Variants in CLUAP1 observed in about 807,000 individuals in gnomAD.
CLUAP1 encodes the protein intraflagellar transport 38.
CLUAP1 carries 50 observed loss-of-function variants against 55.0 expected under a neutral mutation model. The observed-to-expected ratio is 0.91, with a 90% CI of 0.72 to 1.15. The LOEUF is 1.15. CLUAP1 is among the 50% of genes most tolerant of loss of function. The probability of loss-of-function intolerance (pLI) is 0.00; values close to 1 mark genes in which losing one functional copy is unlikely to be tolerated. For missense variants in CLUAP1, 530 were observed against 507.6 expected, an observed-to-expected ratio of 1.04 and a Z score of -0.42; for synonymous variants, 195 against 175.4, an observed-to-expected ratio of 1.11 and a Z score of -0.88.
intron 8 of CLUAP1, among the ~76,000 whole-genome samples, chr16:3,524,983 A>C (rs536013683): frequency 6.6e-6 from 1 of 152,304 alleles, no homozygotes; most frequent in East Asian, 1.9e-4. Flanking sequence ...TTTGGTATTA[A>C]GGTTATGCTA....
intron 3 of CLUAP1, among the ~76,000 whole-genome samples, chr16:3,506,623 C>T (rs1468748176): frequency 6.6e-6 from 1 of 152,044 alleles, no homozygotes; most frequent in Non-Finnish European, 1.5e-5. Flanking sequence ...CTGTCTCAGC[C>T]TCCCGAGTAG....
At chr16:3,521,919 C>A (rs1197601376) in intron 7 of CLUAP1, among the ~76,000 whole-genome samples, 4 of 151,802 alleles carry the variant, frequency 2.6e-5, no homozygotes, top group African/African-American at 9.7e-5. Flanking sequence ...AATAGCTGGG[C>A]ATAGTGGCAC....
intron 1 of CLUAP1, among the ~76,000 whole-genome samples, 192 bp from the exon 2 acceptor site, chr16:3,504,528 A>G (rs1356388708): frequency 6.6e-6 from 1 of 152,190 alleles, no homozygotes; most frequent in Non-Finnish European, 1.5e-5. Context: ...ACTTAAATAT[A>G]TGCTTTTTAG....
At chr16:3,503,106 C>G (rs1403040425) in intron 1 of CLUAP1, among the ~76,000 whole-genome samples, 4 of 151,948 alleles carry the variant, frequency 2.6e-5, no homozygotes. Context: ...TCCCCAGTAA[C>G]TGGAATTATA....
At chr16:3,519,342 G>T (rs147838192) in intron 6 of CLUAP1, among the ~76,000 whole-genome samples, 2 of 152,196 alleles carry the variant, frequency 1.3e-5, no homozygotes, top group South Asian at 4.1e-4. Context: ...CTTCAGAGTG[G>T]TTTCTCCTCG....
chr16:3,501,262 AG>A (rs2037394583), intron 1 of CLUAP1, among the ~76,000 whole-genome samples, 173 bp downstream of exon 1: 1 of 152,232 alleles, frequency 6.6e-6, no homozygotes, highest in South Asian at 2.1e-4. Context: ...CGAGCGTCCC[AG>A]GCCCTTCTTC....
intron 8 of CLUAP1, among the ~76,000 whole-genome samples, chr16:3,524,596 C>CAAAAAAAAAAAAAA (rs755040158): frequency 8.7e-5 from 3 of 34,290 alleles, no homozygotes; most frequent in African/African-American, 8.3e-5. Flanking sequence ...GACACCATCT[C>CAAAAAAAAAAAAAA]AAAAAAAAAA....
chr16:3,533,286 G>T, intron 11 of CLUAP1: 1 of 721,506 alleles, frequency 1.4e-6, no homozygotes, highest in Non-Finnish European at 2.3e-6. Flanking sequence ...AGATCCTGTG[G>T]TGACAGCGGG....
At position 3,515,436 on chromosome 16, in the gene CLUAP1, C is replaced by T. The variant is rs193130378; in HGVS notation, c.496-72C>T. On this transcript the variant is annotated intron_variant, in intron 5 of 11. Coordinates refer to ENST00000576634, the MANE Select transcript of CLUAP1 (RefSeq NM_015041.3). ...CGGAGAATCAGTCTATAAGGCACAT[C>T]TAGATCTAGGAATACTGGTTTTGAG... The T allele has an allele frequency of 3.8e-4, 419 of 1,091,104 alleles. 1 individual carries two copies. The highest frequency in any genetic ancestry group is 5.3e-4 in the Non-Finnish European group (391 of 739,616). 67.6% of individuals were successfully genotyped at this position (1,091,104 alleles called of 1,614,324 possible).
intron 7 of CLUAP1, among the ~76,000 whole-genome samples, chr16:3,520,289 T>A (rs549128639): frequency 6.6e-6 from 1 of 152,028 alleles, no homozygotes; most frequent in Admixed American, 6.5e-5. Flanking sequence ...GGAGGATTGC[T>A]TGAGCCCAGG....
At chr16:3,505,086 C>T (rs965458645) in intron 2 of CLUAP1, among the ~76,000 whole-genome samples, 1 of 152,112 alleles carries the variant, frequency 6.6e-6, no homozygotes, top group Non-Finnish European at 1.5e-5. Context: ...CACAAAAGAA[C>T]AATTAGCTGA....
rs61298382 is a variant in CLUAP1 at position 3,508,685 on chromosome 16, G to A, written c.399+217G>A. 9.0e-3 allele frequency among the ~76,000 whole-genome samples: 1,373 copies of A among 152,284 alleles called. 25 individuals carry two copies. Among genetic ancestry groups the A allele is most frequent in the African/African-American group, 0.031 (1,305 of 41,540 alleles). On this transcript the variant is annotated intron_variant, in intron 4 of 11. Coordinates refer to ENST00000576634, the MANE Select transcript of CLUAP1 (RefSeq NM_015041.3). ...AGTATTTGTCAGGTAGCATTCAAGC[G>A]CTGAGGATACAGTTGTGAACAAAAA...
intron 11 of CLUAP1, chr16:3,533,167 G>T: frequency 6.5e-7 from 1 of 1,535,592 alleles, no homozygotes; most frequent in Non-Finnish European, 8.7e-7. Context: ...TTGGTTTTCT[G>T]TTCTGCCTCA....
In CLUAP1 at chr16:3,538,869, G is replaced by C. The variant is rs2038290038; in HGVS notation, c.*2598G>C. The C allele has an allele frequency of 2.6e-5, 4 of 152,308 alleles. No homozygotes were observed. Among genetic ancestry groups the C allele is most frequent in the South Asian group, 4.1e-4 (2 of 4,828 alleles). 9.4% of individuals were successfully genotyped at this position (152,308 alleles called of 1,614,324 possible). The stretch of plus-strand genomic sequence containing the variant: ...GTGCTTTGTGACCTGGCACCATTTG[G>C]TTTTGGCCAAGCAGCAGAGCAGACC... On this transcript the variant is annotated 3_prime_UTR_variant, in exon 12 of 12. Transcript: ENST00000576634.
chr16:3,530,473 A>C, intron 9 of CLUAP1, 95 bp from the exon 10 acceptor site: 1 of 810,958 alleles, frequency 1.2e-6, no homozygotes, highest in Non-Finnish European at 2.1e-6. Context: ...TAAGAAATGA[A>C]CAAATGACTT....
chr16:3,529,623 ATATTATATATTATTATATATTATATAT>A (rs1206274387), intron 9 of CLUAP1, among the ~76,000 whole-genome samples: 5 of 20,730 alleles, frequency 2.4e-4, no homozygotes, highest in African/African-American at 1.2e-3. Flanking sequence ...ATAATATTAT[ATATTATATATTATTATATATTATATAT>A]TATTATATAT....
chr16:3,501,184 G>C (rs879615365), intron 1 of CLUAP1, 95 bp downstream of exon 1: 11 of 1,335,660 alleles, frequency 8.2e-6, no homozygotes, highest in Non-Finnish European at 1.1e-5. Context: ...CCTGAGGCTT[G>C]CGCTGCCGGA....
intron 8 of CLUAP1, among the ~76,000 whole-genome samples, chr16:3,525,563 C>T (rs1480714810): frequency 6.6e-6 from 1 of 151,906 alleles, no homozygotes; most frequent in Admixed American, 6.6e-5. Flanking sequence ...CTCTCTTTGT[C>T]TCTTTCTCTT....
At chr16:3,533,454 GC>G in intron 11 of CLUAP1, 2 of 417,510 alleles carry the variant, frequency 4.8e-6, no homozygotes, top group South Asian at 5.6e-5. Flanking sequence ...CCTGTTCTGT[GC>G]TGGGGACGGA....
Sources: allele counts gnomAD v4.1 joint callset (sites outside exome capture counted in the v4.1 genomes callset), GRCh38; gene constraint gnomAD v4.1.1; transcripts MANE v1.5; gene names NCBI Gene and HGNC (gene_info 2026-07-23, HGNC 2026-07-21).